Variants in ALK observed in about 807,000 individuals in gnomAD.
ALK encodes ALK receptor tyrosine kinase, also known as ALK tyrosine kinase receptor.
A neutral mutation model predicts 163.1 loss-of-function variants in ALK; 74 were observed. The observed-to-expected ratio is 0.45, with a 90% CI of 0.38 to 0.55. The LOEUF (loss-of-function observed/expected upper bound fraction) is 0.55, where lower values mean the gene tolerates loss of function less well. Among genes scored for constraint, ALK ranks in the 20% least tolerant of loss-of-function variants. The pLI is 0.00. For synonymous variants in ALK, 960 were observed against 843.2 expected (o/e 1.14, Z -2.40); for missense variants, 2,063 against 2,105.3 (o/e 0.98, Z 0.39).
chr2:29,746,921 T>C (rs1680219942), intron 1 of ALK, among the ~76,000 whole-genome samples: 1 of 152,220 alleles, frequency 6.6e-6, no homozygotes, highest in Non-Finnish European at 1.5e-5. Context: ...GATGTTATGC[T>C]AAAAGAAACC....
intron 28 of ALK, among the ~76,000 whole-genome samples, 158 bp downstream of exon 28, chr2:29,196,612 G>T (rs73920730): frequency 1.0e-3 from 159 of 152,316 alleles, no homozygotes; most frequent in African/African-American, 3.7e-3. Context: ...GGCAAATGGA[G>T]ACACCAGTCA....
chr2:29,198,251 G>T (rs1293945050), intron 26 of ALK, among the ~76,000 whole-genome samples: 2 of 152,132 alleles, frequency 1.3e-5, no homozygotes, highest in Non-Finnish European at 2.9e-5. Context: ...TCATCTATCA[G>T]ATGCCCACTC....
At chr2:29,862,543 A>C (rs1399339930) in intron 1 of ALK, among the ~76,000 whole-genome samples, 1 of 152,170 alleles carries the variant, frequency 6.6e-6, no homozygotes, top group African/African-American at 2.4e-5. Flanking sequence ...GCATTAAAAA[A>C]CCTACAAATA....
At chr2:29,903,226 G>T (rs939603599) in intron 1 of ALK, among the ~76,000 whole-genome samples, 2 of 152,162 alleles carry the variant, frequency 1.3e-5, no homozygotes, top group African/African-American at 4.8e-5. Context: ...TGAAGAATTG[G>T]AATTAAGGAA....
At chr2:29,738,474 A>G (rs1679956825) in intron 1 of ALK, among the ~76,000 whole-genome samples, 1 of 151,990 alleles carries the variant, frequency 6.6e-6, no homozygotes. Context: ...GCCATCTACT[A>G]CTTTGTTGTC....
chr2:29,538,849 TAAC>T (rs1673333043), intron 3 of ALK, among the ~76,000 whole-genome samples: 1 of 152,112 alleles, frequency 6.6e-6, no homozygotes, highest in Non-Finnish European at 1.5e-5. Flanking sequence ...ATAAGAAAAA[TAAC>T]AATATCTCTT....
chr2:29,470,515 A>G lies in ALK; in HGVS notation c.1154+61400T>C, dbSNP rs116728088. 5.7e-3 allele frequency among the ~76,000 whole-genome samples: 876 copies of G among 152,356 alleles called. 18 individuals carry two copies. The highest frequency in any genetic ancestry group is 0.02 in the African/African-American group (815 of 41,582). ...AAAGACACATTACCTCCAAACAAGC[A>G]TTGATAAAACTGACAACTGACTTCA... On this transcript the variant is annotated intron_variant, in intron 4 of 28. Transcript: ENST00000389048.
At chr2:29,905,822 A>G (rs1667531325) in intron 1 of ALK, among the ~76,000 whole-genome samples, 1 of 152,094 alleles carries the variant, frequency 6.6e-6, no homozygotes, top group Non-Finnish European at 1.5e-5. Flanking sequence ...AAGGGGATGC[A>G]TGGCTTTGTG....
At chr2:29,868,032 G>A (rs1384856933) in intron 1 of ALK, among the ~76,000 whole-genome samples, 1 of 152,192 alleles carries the variant, frequency 6.6e-6, no homozygotes, top group African/African-American at 2.4e-5. Context: ...TGTGTAATCT[G>A]GGAAGCTCAA....
At chr2:29,420,539 C>A (rs1020017408) in intron 4 of ALK, among the ~76,000 whole-genome samples, 1 of 151,416 alleles carries the variant, frequency 6.6e-6, no homozygotes, top group Non-Finnish European at 1.5e-5. Context: ...GAAACTGGAG[C>A]CTCCTAACAC....
chr2:29,232,577 C>T (rs1664245492), intron 14 of ALK, 129 bp from the exon 15 acceptor site: 2 of 1,291,446 alleles, frequency 1.5e-6, no homozygotes, highest in African/African-American at 1.5e-5. Flanking sequence ...TCTCAGTGGT[C>T]TGAGGTGGTT....
rs375485875 is a variant in ALK at position 29,209,762 on chromosome 2, A to G, written c.3836+24T>C. ...GCTGAGGTGGAAGAGACAGGCCCGG[A>G]GGGGTGAGGCAGTCTTTACTCACCT... is the stretch of plus-strand genomic sequence containing the variant. On this transcript the variant is annotated intron_variant, in intron 25 of 28. Transcript: ENST00000389048. 2.5e-5 allele frequency: 40 copies of G among 1,584,412 alleles called. No homozygotes were observed. The South Asian group carries it at 4.3e-4, about 17-fold the overall frequency.
rs188125892 is a variant in ALK at position 29,492,746 on chromosome 2, G to A, written c.1154+39169C>T. Among the ~76,000 whole-genome samples the A allele has an allele frequency of 5.0e-3, 762 of 152,316 alleles. 2 individuals are homozygous for A. Among genetic ancestry groups the A allele is most frequent in the African/African-American group, 0.017 (720 of 41,580 alleles). On this transcript the variant is annotated intron_variant, in intron 4 of 28. Transcript: ENST00000389048. ...CAAGGGTTTGTTTGTCTAAGCTAGG[G>A]ATGGAACCCATGGCTTTCCAGCTAT...
intron 5 of ALK, among the ~76,000 whole-genome samples, chr2:29,348,958 T>C (rs886164630): frequency 1.3e-5 from 2 of 152,214 alleles, no homozygotes; most frequent in African/African-American, 2.4e-5. Flanking sequence ...CTCCGTAAGA[T>C]TGGGAAGTGG....
At chr2:29,478,681 C>G (rs890960791) in intron 4 of ALK, among the ~76,000 whole-genome samples, 1 of 152,194 alleles carries the variant, frequency 6.6e-6, no homozygotes, top group Non-Finnish European at 1.5e-5. Flanking sequence ...TCTGTATCAA[C>G]GATGAGCATG....
intron 24 of ALK, among the ~76,000 whole-genome samples, chr2:29,210,183 G>C (rs990041125): frequency 6.6e-6 from 1 of 151,420 alleles, no homozygotes; most frequent in Non-Finnish European, 1.5e-5. Context: ...AAGTGTTGTT[G>C]TAAGTGCTTC....
At chr2:29,604,291 C>T (rs993078058) in intron 3 of ALK, among the ~76,000 whole-genome samples, 3 of 151,576 alleles carry the variant, frequency 2.0e-5, no homozygotes, top group African/African-American at 7.3e-5. Flanking sequence ...GGATGACAGG[C>T]ATGTTCATTC....
chr2:29,197,517 A>G, intron 27 of ALK, 25 bp downstream of exon 27: 1 of 1,612,664 alleles, frequency 6.2e-7, no homozygotes, highest in South Asian at 1.1e-5. Context: ...AGTAACTAGC[A>G]GAAGTGTTCC....
At chr2:29,219,876 A>G (rs1047938721) in intron 23 of ALK, among the ~76,000 whole-genome samples, 4 of 152,248 alleles carry the variant, frequency 2.6e-5, no homozygotes, top group South Asian at 2.1e-4. Flanking sequence ...TAACCATAAG[A>G]TGTGTGTAGC....
Sources: gnomAD v4.1 joint callset for allele counts (sites outside exome capture counted in the v4.1 genomes callset) on GRCh38, gnomAD v4.1.1 for gene constraint, MANE v1.5 for transcripts, NCBI Gene and HGNC (gene_info 2026-07-23, HGNC 2026-07-21) for gene names.